The following DGCR2 variants were observed in gnomAD, a reference collection of about 807,000 sequenced individuals.
DGCR2 encodes the protein integral membrane protein DGCR2/IDD.
In DGCR2, 24 loss-of-function variants were observed where a neutral mutation model predicts 51.6. The observed-to-expected ratio is 0.47, with a 90% CI of 0.34 to 0.65. DGCR2 has a LOEUF of 0.65. DGCR2 is among the 30% of genes least tolerant of loss of function. The pLI, the probability that DGCR2 is intolerant of heterozygous loss-of-function variation, is 0.01. For synonymous variants in DGCR2, 340 were observed against 315.4 expected, an observed-to-expected ratio of 1.08 and a Z score of -0.82; for missense variants, 765 against 772.1, an observed-to-expected ratio of 0.99 and a Z score of 0.11.
At chr22:19,065,203 G>C in intron 3 of DGCR2, 136 bp from the exon 4 acceptor site, 1 of 717,030 alleles carries the variant, frequency 1.4e-6, no homozygotes, top group Non-Finnish European at 2.3e-6. Flanking sequence ...AAGAGGACAA[G>C]GTCTGCTTCT....
chr22:19,119,679 T>A (rs2083410475), intron 1 of DGCR2, among the ~76,000 whole-genome samples: 1 of 134,372 alleles, frequency 7.4e-6, no homozygotes, highest in Non-Finnish European at 1.5e-5. Context: ...GAGGTTGCAG[T>A]GGGCCAAGAT....
At chr22:19,044,036 G>A (rs2082461402) in intron 7 of DGCR2, among the ~76,000 whole-genome samples, 1 of 152,216 alleles carries the variant, frequency 6.6e-6, no homozygotes, top group South Asian at 2.1e-4. Context: ...GTTCATTGGA[G>A]GCCAGTTCAG....
chr22:19,109,783 T>G (rs560538420), intron 1 of DGCR2, among the ~76,000 whole-genome samples: 1 of 152,130 alleles, frequency 6.6e-6, no homozygotes, highest in Non-Finnish European at 1.5e-5. Flanking sequence ...TATTTTACGT[T>G]ATTAAAAAAA....
In DGCR2 at chr22:19,097,256, T is replaced by C. The variant is rs534364276; in HGVS notation, c.80-7766A>G. On this transcript the variant is annotated intron_variant, in intron 1 of 9. Transcript: ENST00000263196. The stretch of plus-strand genomic sequence containing the variant: ...AAACCTATATATATATATACATATA[T>C]AGATATGTAAGTGAAACAGCCAGGT... 2.0e-5 allele frequency among the ~76,000 whole-genome samples: 3 copies of C among 152,078 alleles called. No individual in the cohort carries two copies. In the East Asian group the frequency reaches 5.8e-4, roughly 29 times the overall value.
chr22:19,106,139 C>T (rs1426414851), intron 1 of DGCR2, among the ~76,000 whole-genome samples: 1 of 152,162 alleles, frequency 6.6e-6, no homozygotes, highest in Non-Finnish European at 1.5e-5. Flanking sequence ...CCCTGCTCAG[C>T]CTCGCCAGGC....
intron 6 of DGCR2, among the ~76,000 whole-genome samples, chr22:19,054,810 A>G (rs2082584298): frequency 6.6e-6 from 1 of 152,052 alleles, no homozygotes; most frequent in South Asian, 2.1e-4. Flanking sequence ...TCACTTCTTA[A>G]AAGAGTTTCA....
intron 7 of DGCR2, among the ~76,000 whole-genome samples, chr22:19,042,605 G>A (rs1407487757): frequency 6.6e-6 from 1 of 152,210 alleles, no homozygotes; most frequent in Non-Finnish European, 1.5e-5. Context: ...GCCGTAGGGA[G>A]GACAGGCTGC....
intron 1 of DGCR2, among the ~76,000 whole-genome samples, chr22:19,107,804 G>A (rs963323777): frequency 6.6e-6 from 1 of 152,188 alleles, no homozygotes; most frequent in South Asian, 2.1e-4. Context: ...GAACTGGAGC[G>A]AGAGCTATCT....
intron 1 of DGCR2, among the ~76,000 whole-genome samples, chr22:19,108,400 C>G (rs2083280610): frequency 6.6e-6 from 1 of 150,928 alleles, no homozygotes; most frequent in Non-Finnish European, 1.5e-5. Flanking sequence ...GGGATCCAGT[C>G]TCTACAAAAA....
At chr22:19,063,121 G>C in intron 5 of DGCR2, 81 bp downstream of exon 5, 3 of 1,355,252 alleles carry the variant, frequency 2.2e-6, no homozygotes, top group Non-Finnish European at 3.2e-6. Flanking sequence ...AGGCAGCACT[G>C]GGTAAGAGGG....
intron 2 of DGCR2, among the ~76,000 whole-genome samples, chr22:19,069,778 C>T (rs555991323): frequency 3.3e-5 from 5 of 152,272 alleles, no homozygotes; most frequent in African/African-American, 1.2e-4. Context: ...TATGTAGTCT[C>T]ATTTCTGAGA....
chr22:19,073,341 A>G (rs2082837781), intron 2 of DGCR2, among the ~76,000 whole-genome samples: 1 of 152,178 alleles, frequency 6.6e-6, no homozygotes. Context: ...AAACCTACTA[A>G]AAGTAAAATA....
At chr22:19,063,501 G>A (rs1297774066) in intron 4 of DGCR2, among the ~76,000 whole-genome samples, 1 of 150,022 alleles carries the variant, frequency 6.7e-6, no homozygotes, top group Admixed American at 6.7e-5. Context: ...ACCACGCCCA[G>A]CTAATTTTTG....
At chr22:19,105,672 G>A (rs950410822) in intron 1 of DGCR2, among the ~76,000 whole-genome samples, 2 of 148,688 alleles carry the variant, frequency 1.3e-5, no homozygotes, top group East Asian at 2.0e-4. Context: ...CGCGGCTGGC[G>A]ATGGAGGAGT....
At chr22:19,102,949 T>A (rs1410645878) in intron 1 of DGCR2, among the ~76,000 whole-genome samples, 2 of 152,104 alleles carry the variant, frequency 1.3e-5, no homozygotes, top group East Asian at 3.9e-4. Flanking sequence ...AGGGCTGCAG[T>A]GAGTTATGAT....
At chr22:19,064,782 A>G (rs1321446133) in intron 4 of DGCR2, 66 bp downstream of exon 4, 24 of 1,475,166 alleles carry the variant, frequency 1.6e-5, no homozygotes, top group Non-Finnish European at 2.2e-5. Flanking sequence ...GAGTGGTCAG[A>G]GGCCATGTGC....
intron 1 of DGCR2, among the ~76,000 whole-genome samples, chr22:19,112,043 C>A (rs1255981528): frequency 2.6e-5 from 4 of 151,922 alleles, no homozygotes; most frequent in Non-Finnish European, 4.4e-5. Flanking sequence ...GAGATGCAGG[C>A]GGGTGGATCA....
chr22:19,065,518 C>A (rs2082738405), intron 3 of DGCR2, among the ~76,000 whole-genome samples: 1 of 152,162 alleles, frequency 6.6e-6, no homozygotes, highest in African/African-American at 2.4e-5. Context: ...CTGGCCAACC[C>A]TCCACTAAAA....
intron 2 of DGCR2, among the ~76,000 whole-genome samples, chr22:19,077,253 G>C (rs565411988): frequency 6.6e-6 from 1 of 152,288 alleles, no homozygotes; most frequent in East Asian, 1.9e-4. Context: ...TCTTATGTAA[G>C]AAATCATTGC....
Sources: gnomAD v4.1 joint callset for allele counts (sites outside exome capture counted in the v4.1 genomes callset) on GRCh38, gnomAD v4.1.1 for gene constraint, MANE v1.5 for transcripts, NCBI Gene and HGNC (gene_info 2026-07-23, HGNC 2026-07-21) for gene names.